The following CORO7 variants were observed in gnomAD, a reference collection of about 807,000 sequenced individuals.
CORO7 encodes the protein coronin 7, also known as coronin-7.
A neutral mutation model predicts 126.6 loss-of-function variants in CORO7; 107 were observed. The ratio of observed to expected loss-of-function variants is 0.85; its 90% CI spans 0.72 to 0.99. The LOEUF (loss-of-function observed/expected upper bound fraction) is 0.99, where lower values mean the gene tolerates loss of function less well. CORO7 is among the 50% of genes least tolerant of loss of function. CORO7 has a pLI of 0.00. For synonymous variants in CORO7, 603 were observed against 536.8 expected (o/e 1.12, Z -1.70); for missense variants, 1,314 against 1,255.8 (o/e 1.05, Z -0.70).
At position 4,361,587 on chromosome 16, in the gene CORO7, G is replaced by A. The variant is rs972002190; in HGVS notation, c.1579-118C>T. The A allele has an allele frequency of 1.3e-5, 16 of 1,226,290 alleles. No individual in the cohort carries two copies. The African/African-American group carries it at 1.4e-4, about 10-fold the overall frequency. The allele number at this position is 1,226,290 out of a possible 1,614,324, so 76.0% of individuals were successfully genotyped here. A position where few individuals can be genotyped will look rare whatever the true frequency, so the allele number is the denominator to read the frequency against. The stretch of plus-strand genomic sequence containing the variant: ...ACCCTCTGCAGCAGAGGCTCCCACC[G>A]CTGGGTGACCCAAGCTCTCTGCCCT... On this transcript the variant is annotated intron_variant, in intron 16 of 27. Coordinates refer to ENST00000251166, the MANE Select transcript of CORO7 (RefSeq NM_024535.5).
chr16:4,355,033 G>C lies in CORO7; in HGVS notation c.*125C>G. ...CCAGAGGATGTGGAAGTGCCCACGG[G>C]AAGGCAGGAGTGCAGGGGTGACATG... is the stretch of plus-strand genomic sequence containing the variant. On this transcript the variant is annotated 3_prime_UTR_variant, in exon 28 of 28. Coordinates refer to ENST00000251166, the MANE Select transcript of CORO7 (RefSeq NM_024535.5). 9.1e-7 allele frequency: 1 copy of C among 1,100,022 alleles called. No homozygotes were observed. Among genetic ancestry groups the C allele is most frequent in the Non-Finnish European group, 1.2e-6 (1 of 805,884 alleles). The allele number at this position is 1,100,022 out of a possible 1,614,324, so 68.1% of individuals were successfully genotyped here. A position where few individuals can be genotyped will look rare whatever the true frequency, so the allele number is the denominator to read the frequency against.
chr16:4,361,587 G>T, intron 16 of CORO7, 118 bp from the exon 17 acceptor site: 3 of 1,226,404 alleles, frequency 2.4e-6, no homozygotes, highest in Non-Finnish European at 3.4e-6. Context: ...GGCTCCCACC[G>T]CTGGGTGACC....
At chr16:4,403,749 G>C (rs1443550032) in intron 6 of CORO7, among the ~76,000 whole-genome samples, 2 of 152,186 alleles carry the variant, frequency 1.3e-5, no homozygotes, top group Admixed American at 1.3e-4. Context: ...AGGAGGGCCT[G>C]GACCACCACA....
In CORO7 at chr16:4,362,139, T is replaced by C. The variant is rs1362672643; in HGVS notation, c.1424A>G (p.His475Arg). 2.5e-6 allele frequency: 4 copies of C among 1,607,302 alleles called. No individual in the cohort carries two copies. The highest frequency in any genetic ancestry group is 2.2e-5 in the East Asian group (1 of 44,750). ...TCGGTGCAGGACAGTGCCCTGAGCA[T>C]GGCGGAACTTGGAACTGGGGCCTGG... ...SLLGPSSKFRHAQGTVLHRDS... is the reference protein window; with the variant it reads ...SLLGPSSKFRRAQGTVLHRDS... Residue 475 changes from histidine to arginine, a missense_variant, in exon 16 of 28, where the codon CAT (histidine) becomes CGT (arginine). Transcript: ENST00000251166. The surrounding 1 kb of genome is among the most constrained non-coding windows in gnomAD (Gnocchi z 5.3).
In CORO7 at chr16:4,360,318, C is replaced by G; in HGVS notation, c.2068G>C (p.Val690Leu). The G allele has an allele frequency of 6.2e-7, 1 of 1,613,702 alleles. No individual in the cohort carries two copies. Among genetic ancestry groups the G allele is most frequent in the African/African-American group, 1.3e-5 (1 of 75,060 alleles). ...KGGRGARIVW[V>L]CDGRCLLVSG... ...ACCAGCAGACAGCGACCATCACATA[C>G]CCAGACAATGCGAGCTCCGCGTCCT... Residue 690 changes from valine to leucine, a missense_variant, in exon 21 of 28, where the codon GTA (valine) becomes CTA (leucine). Physicochemically the swap from Val to Leu is conservative, Grantham distance 32. Coordinates refer to ENST00000251166, the MANE Select transcript of CORO7 (RefSeq NM_024535.5).
At chr16:4,410,117 A>G (rs1012601802) in intron 3 of CORO7, among the ~76,000 whole-genome samples, 2 of 152,146 alleles carry the variant, frequency 1.3e-5, no homozygotes, top group African/African-American at 4.8e-5. Flanking sequence ...CCTCATAGAT[A>G]AAAAGCATCA....
intron 7 of CORO7, among the ~76,000 whole-genome samples, chr16:4,393,149 C>CA (rs1555477997): frequency 6.9e-4 from 105 of 152,290 alleles, no homozygotes; most frequent in Non-Finnish European, 1.2e-3. Context: ...AGAGCCATGC[C>CA]CGGTAGGTCG....
chr16:4,361,498 C>A (rs769611777), intron 16 of CORO7, 29 bp from the exon 17 acceptor site: 1 of 1,607,892 alleles, frequency 6.2e-7, no homozygotes, highest in Non-Finnish European at 8.5e-7. Flanking sequence ...CCCCGAGGCC[C>A]ATCAGTACCA....
At chr16:4,416,026 C>A (rs1012958756) in intron 1 of CORO7, 48 of 362,914 alleles carry the variant, frequency 1.3e-4, no homozygotes, top group African/African-American at 9.9e-4. Context: ...GAGAGAGGGG[C>A]GTCTCCCCAC....
At chr16:4,361,584 A>G in intron 16 of CORO7, 115 bp from the exon 17 acceptor site, 2 of 1,254,614 alleles carry the variant, frequency 1.6e-6, no homozygotes, top group Non-Finnish European at 2.2e-6. Flanking sequence ...AGAGGCTCCC[A>G]CCGCTGGGTG....
At chr16:4,413,187 C>T (rs1000672347) in intron 2 of CORO7, 121 bp downstream of exon 2, 6 of 1,056,324 alleles carry the variant, frequency 5.7e-6, no homozygotes, top group Non-Finnish European at 8.2e-6. Context: ...CCTCTGAGCC[C>T]CCCAAAGCAG....
chr16:4,366,302 C>A (rs2054345463), intron 9 of CORO7, among the ~76,000 whole-genome samples: 1 of 152,148 alleles, frequency 6.6e-6, no homozygotes, highest in African/African-American at 2.4e-5. Context: ...GGGCCGGAAG[C>A]CCCCAGAGCC....
rs910060499 is a variant in CORO7 at position 4,360,324 on chromosome 16, C to A, written c.2062G>T (p.Val688Phe). The change falls in exon 21 of 28, where the codon GTC becomes TTC. Residue 688 changes from valine to phenylalanine, a missense_variant. Coordinates refer to ENST00000251166, the MANE Select transcript of CORO7 (RefSeq NM_024535.5). ...AGACAGCGACCATCACATACCCAGA[C>A]AATGCGAGCTCCGCGTCCTCCCTTG... ...GPKGGRGARI[V>F]WVCDGRCLLV... is the part of the protein sequence containing the mutation. 1.2e-6 allele frequency: 2 copies of A among 1,613,718 alleles called. No homozygotes were observed. The highest frequency in any genetic ancestry group is 1.1e-5 in the South Asian group (1 of 91,084).
intron 25 of CORO7, 27 bp downstream of exon 25, chr16:4,357,941 C>T: frequency 1.3e-6 from 2 of 1,579,690 alleles, no homozygotes; most frequent in Middle Eastern, 1.7e-4. Context: ...ATCCCGCTTC[C>T]TCCCCACACC....
chr16:4,357,632 A>G, intron 25 of CORO7: 1 of 360,502 alleles, frequency 2.8e-6, no homozygotes, highest in Non-Finnish European at 5.0e-6. Flanking sequence ...CTGGGATTAC[A>G]GGCATGAGCC....
intron 4 of CORO7, 136 bp from the exon 5 acceptor site, chr16:4,407,820 G>A (rs1002531576): frequency 5.4e-6 from 6 of 1,118,066 alleles, no homozygotes; most frequent in Non-Finnish European, 6.2e-6. Context: ...TGGGAGGAGC[G>A]CCCACCCGCC....
rs1376493248 is a variant in CORO7 at position 4,391,033 on chromosome 16, G to T, written c.616-2402C>A. ...AATGTGGGTACACCCAGCTCAGTTT[G>T]CCCAGAGACCACAGGAAGCCCCCAG... On this transcript the variant is annotated intron_variant, in intron 7 of 27. Transcript: ENST00000251166. Among the ~76,000 whole-genome samples, 5 of 152,320 alleles carry T rather than the reference G, an allele frequency of 3.3e-5. No individual in the cohort carries two copies. The East Asian group carries it at 9.6e-4, about 29-fold the overall frequency.
chr16:4,363,647 G>A (rs552049966), intron 14 of CORO7, among the ~76,000 whole-genome samples: 1 of 152,238 alleles, frequency 6.6e-6, no homozygotes, highest in South Asian at 2.1e-4. Context: ...GGGAGGCGGA[G>A]GTTGCAGTGA....
intron 8 of CORO7, 21 bp from the exon 9 acceptor site, chr16:4,388,089 G>A: frequency 3.1e-6 from 5 of 1,602,416 alleles, no homozygotes; most frequent in Non-Finnish European, 3.4e-6. Flanking sequence ...GGCGAGAGAG[G>A]GGCTCAGAGG....
Sources: allele counts gnomAD v4.1 joint callset (sites outside exome capture counted in the v4.1 genomes callset), GRCh38; gene constraint gnomAD v4.1.1; non-coding constraint Gnocchi (gnomAD v3.1); transcripts MANE v1.5; gene names NCBI Gene and HGNC (gene_info 2026-07-23, HGNC 2026-07-21).